WNK2: variants seen among roughly 807,000 people sequenced by gnomAD.
WNK2 encodes WNK lysine deficient protein kinase 2.
A neutral mutation model predicts 192.1 loss-of-function variants in WNK2; 67 were observed. The observed-to-expected ratio is 0.35, with a 90% confidence interval of 0.29 to 0.43. The LOEUF is 0.43. Ranked by LOEUF, WNK2 falls within the 20% of genes least tolerant of loss-of-function variation. The pLI is 1.00. For synonymous variants in WNK2, 1,439 were observed against 1,393.9 expected (o/e 1.03, Z -0.72); for missense variants, 2,698 against 3,089.7 (o/e 0.87, Z 3.01).
Position 93,233,943 on chromosome 9 carries a change from A to G in WNK2, c.1076-865A>G, listed in dbSNP as rs115834802. Among the ~76,000 whole-genome samples, 1,179 of 152,274 alleles carry G rather than the reference A, an allele frequency of 7.7e-3. 18 individuals carry two copies. Among genetic ancestry groups the G allele is most frequent in the African/African-American group, 0.027 (1,112 of 41,526 alleles). ...GACTTATTTTATTAAAAAGGCCTTT[A>G]CAGTTGCTGTATTATGAAAGCTAAA... is the stretch of plus-strand genomic sequence containing the variant. On this transcript the variant is annotated intron_variant, in intron 4 of 29. Coordinates refer to ENST00000427277, the MANE Select transcript of WNK2 (RefSeq NM_006648.4).
intron 4 of WNK2, among the ~76,000 whole-genome samples, chr9:93,233,197 C>CAAAAAA (rs11298656): frequency 1.0e-5 from 1 of 99,042 alleles, no homozygotes; most frequent in Non-Finnish European, 2.1e-5. Context: ...GATCCAGTCT[C>CAAAAAA]AAAAAAAAAA....
Position 93,277,132 on chromosome 9 carries a change from A to G in WNK2, c.4033+8386A>G, listed in dbSNP as rs182199191. On this transcript the variant is annotated intron_variant, in intron 19 of 29. Transcript: ENST00000427277. Reference sequence around the variant, plus strand: ...AATTAAGTACATGAAGAGTTGTTCAATATTATTGACTACTGGGGAAATGCA... The same window carrying G: ...AATTAAGTACATGAAGAGTTGTTCAGTATTATTGACTACTGGGGAAATGCA... Among the ~76,000 whole-genome samples the G allele has an allele frequency of 2.1e-3, 319 of 152,336 alleles. 1 individual carries two copies. Among genetic ancestry groups the G allele is most frequent in the African/African-American group, 7.4e-3 (307 of 41,582 alleles).
Position 93,256,550 on chromosome 9 carries a change from C to G in WNK2, c.2190+96C>G, listed in dbSNP as rs928009612. 1.3e-5 allele frequency: 18 copies of G among 1,357,010 alleles called. No individual in the cohort carries two copies. The Middle Eastern group carries it at 1.1e-3, about 79-fold the overall frequency. The allele number at this position is 1,357,010 out of a possible 1,614,324, so 84.1% of individuals were successfully genotyped here. On this transcript the variant is annotated intron_variant, in intron 10 of 29. Transcript: ENST00000427277. ...GGTCTATGAGCACCTCCCACAGACC[C>G]TTCGCTCAAATTCTCTGTGGTTCCC...
chr9:93,306,640 C>T (rs1852601959), intron 26 of WNK2, 137 bp from the exon 27 acceptor site: 13 of 1,116,270 alleles, frequency 1.2e-5, no homozygotes, highest in South Asian at 2.6e-5. Context: ...CCGGCCGGGT[C>T]GGCCCTCTCT....
intron 19 of WNK2, among the ~76,000 whole-genome samples, chr9:93,281,912 T>C (rs1478420848): frequency 6.6e-6 from 1 of 152,074 alleles, no homozygotes; most frequent in Non-Finnish European, 1.5e-5. Context: ...CTGACTTCCA[T>C]GAAGATGAAA....
At chr9:93,314,891 G>A (rs1260825610) in intron 28 of WNK2, among the ~76,000 whole-genome samples, 2 of 146,468 alleles carry the variant, frequency 1.4e-5, no homozygotes, top group African/African-American at 5.4e-5. Context: ...AGGCTTTCCC[G>A]GGGGGGGTTT....
chr9:93,317,619 G>C lies in WNK2; in HGVS notation c.6616G>C (p.Val2206Leu), dbSNP rs554495666. 1 of 1,612,814 alleles carries C rather than the reference G, an allele frequency of 6.2e-7. No individual in the cohort carries two copies. The highest frequency in any genetic ancestry group is 8.5e-7 in the Non-Finnish European group (1 of 1,179,820). Residue 2206 changes from valine (V) to leucine (L), a missense_variant, in exon 29 of 30, where the codon GTG becomes CTG. Coordinates refer to ENST00000427277, the MANE Select transcript of WNK2 (RefSeq NM_006648.4). ...VIPGAAPTLS[V>L]PTPDPESEKP... ...TCCCGGAGCCGCCCCGACCCTGTCCGTGCCCACACCAGGTACTGCCCTCTC... is the reference window on the plus strand; with the variant it reads ...TCCCGGAGCCGCCCCGACCCTGTCCCTGCCCACACCAGGTACTGCCCTCTC...
Position 93,257,213 on chromosome 9 carries a change from C to A in WNK2, c.2382+74C>A. 1 of 1,484,810 alleles carries A rather than the reference C, an allele frequency of 6.7e-7. No homozygotes were observed. Among genetic ancestry groups the A allele is most frequent in the Non-Finnish European group, 9.1e-7 (1 of 1,103,274 alleles). 92.0% of individuals were successfully genotyped at this position (1,484,810 alleles called of 1,614,324 possible). A position where few individuals can be genotyped will look rare whatever the true frequency, so the allele number is the denominator to read the frequency against. Reference sequence around the variant, plus strand: ...GGCCCTGGCTGGTGCACTAGGACACCCACAGAGGGGGTTGTCTGTGCATGT... The same window carrying A: ...GGCCCTGGCTGGTGCACTAGGACACACACAGAGGGGGTTGTCTGTGCATGT... On this transcript the variant is annotated intron_variant, in intron 11 of 29. Coordinates refer to ENST00000427277, the MANE Select transcript of WNK2 (RefSeq NM_006648.4). The surrounding 1 kb of genome is among the most constrained non-coding windows in gnomAD (Gnocchi z 4.7).
rs748423242 is a variant in WNK2 at position 93,259,537 on chromosome 9, G to A, written c.2989G>A (p.Ala997Thr). Residue 997 changes from alanine (A) to threonine (T), a missense_variant, in exon 12 of 30, where the codon GCA (alanine) becomes ACA (threonine). Physicochemically the swap from Ala to Thr is moderately conservative, Grantham distance 58 (BLOSUM62 0). This residue lies in a region of WNK2 where 893 missense variants were observed against 909.0 expected (regional missense o/e 0.98). Transcript: ENST00000427277. The surrounding 1 kb of genome is among the most constrained non-coding windows in gnomAD (Gnocchi z 4.8). ...PPQPVLPPQP[A>T]LPVRPEPLQP... is the part of the protein sequence containing the mutation. ...ACAACCTGTGCTGCCCCCGCAGCCG[G>A]CACTGCCTGTGCGCCCTGAGCCCCT... is the stretch of plus-strand genomic sequence containing the variant. The A allele has an allele frequency of 1.1e-5, 17 of 1,591,334 alleles. No individual in the cohort carries two copies. The highest frequency in any genetic ancestry group is 1.7e-4 in the Middle Eastern group (1 of 6,036).
intron 19 of WNK2, among the ~76,000 whole-genome samples, chr9:93,286,115 G>A (rs1848410868): frequency 6.6e-6 from 1 of 152,116 alleles, no homozygotes; most frequent in Non-Finnish European, 1.5e-5. Context: ...GAACACATAC[G>A]TTAAAGTTCA....
rs987223596 is a variant in WNK2, at chr9:93,257,674, A to C, written c.2382+535A>C. ...CCTCAGAGGAGCGTTCTTCCTGTGGAGCTCCTCCAGGGCCGTGTGGCATGT... is the reference window on the plus strand; with the variant it reads ...CCTCAGAGGAGCGTTCTTCCTGTGGCGCTCCTCCAGGGCCGTGTGGCATGT... On this transcript the variant is annotated intron_variant, in intron 11 of 29. Transcript: ENST00000427277. The surrounding 1 kb of genome is among the most constrained non-coding windows in gnomAD (Gnocchi z 4.7). Among the ~76,000 whole-genome samples the C allele has an allele frequency of 3.3e-5, 5 of 152,170 alleles. No individual in the cohort carries two copies. Among genetic ancestry groups the C allele is most frequent in the African/African-American group, 1.2e-4 (5 of 41,422 alleles).
intron 19 of WNK2, 100 bp downstream of exon 19, chr9:93,268,846 G>C (rs1845596401): frequency 1.9e-6 from 3 of 1,575,856 alleles, no homozygotes; most frequent in Middle Eastern, 3.3e-4. Flanking sequence ...CCAGGTCCAT[G>C]CAGGGGGCTC....
intron 28 of WNK2, among the ~76,000 whole-genome samples, chr9:93,313,703 G>A (rs1854081004): frequency 6.6e-6 from 1 of 152,106 alleles, no homozygotes; most frequent in South Asian, 2.1e-4. Context: ...GCCTGGTCAA[G>A]GATAGTGACC....
chr9:93,191,854 G>A (rs959711527), intron 2 of WNK2, among the ~76,000 whole-genome samples: 2 of 152,016 alleles, frequency 1.3e-5, no homozygotes, highest in African/African-American at 2.4e-5. Flanking sequence ...GTGAAACCTC[G>A]TCTCTACTAA....
In WNK2 at chr9:93,267,771, C is replaced by T. The variant is rs755933247; in HGVS notation, c.3722C>T (p.Ala1241Val). The change falls in exon 17 of 30, where the codon GCC becomes GTC. Residue 1241 changes from alanine to valine, a missense_variant. By Grantham distance (64) the Ala-to-Val change is moderately conservative. Around this residue, in one of 7 missense-constraint regions of WNK2, gnomAD observed 1,098 missense variants for 1,101.0 expected, o/e 1.00. Coordinates refer to ENST00000427277, the MANE Select transcript of WNK2 (RefSeq NM_006648.4). ...GTGGAGCATGACTTTATCCTGCAGG[C>T]CGAGCGGGAAACGTTCATCGAGCAG... Reference protein sequence around the residue: ...YMVEHDFILQAERETFIEQMK... With the variant: ...YMVEHDFILQVERETFIEQMK... 5 of 1,605,616 alleles carry T rather than the reference C, an allele frequency of 3.1e-6. No individual in the cohort carries two copies. Among genetic ancestry groups the T allele is most frequent in the South Asian group, 2.2e-5 (2 of 89,252 alleles).
chr9:93,318,530 C>T (rs1359926724), intron 29 of WNK2: 2 of 1,614,088 alleles, frequency 1.2e-6, no homozygotes, highest in Admixed American at 1.7e-5. Flanking sequence ...AGCAGACATG[C>T]CCCCCATGCC....
chr9:93,245,076 T>C (rs1288372679), intron 7 of WNK2, among the ~76,000 whole-genome samples: 2 of 151,944 alleles, frequency 1.3e-5, no homozygotes. Flanking sequence ...CCAGGGCTGT[T>C]TCTGTTAGGG....
Position 93,268,677 on chromosome 9 carries a change from C to T in WNK2, c.3964C>T (p.Pro1322Ser). The change falls in exon 19 of 30, where the codon CCC becomes TCC. Residue 1322 changes from proline to serine, a missense_variant. Physicochemically the swap from Pro to Ser is moderately conservative, Grantham distance 74 (BLOSUM62 -1). Around this residue, in one of 7 missense-constraint regions of WNK2, gnomAD observed 1,098 missense variants for 1,101.0 expected, o/e 1.00. Coordinates refer to ENST00000427277, the MANE Select transcript of WNK2 (RefSeq NM_006648.4). Reference protein sequence around the residue: ...WFIICPVAEHPAPEAPESSPP... With the variant: ...WFIICPVAEHSAPEAPESSPP... The stretch of plus-strand genomic sequence containing the variant: ...CATCATCTGTCCGGTGGCTGAGCAC[C>T]CCGCCCCCGAGGCCCCTGAATCTTC... 1 of 1,613,484 alleles carries T rather than the reference C, an allele frequency of 6.2e-7. No homozygotes were observed. Among genetic ancestry groups the T allele is most frequent in the Non-Finnish European group, 8.5e-7 (1 of 1,179,788 alleles).
At chr9:93,296,142 C>T (rs1850331736) in intron 23 of WNK2, among the ~76,000 whole-genome samples, 2 of 71,406 alleles carry the variant, frequency 2.8e-5, no homozygotes, top group Non-Finnish European at 5.6e-5. Context: ...TGTCCCCTCT[C>T]CTTCCTCCCC....
Sources: gnomAD v4.1 joint callset for allele counts (sites outside exome capture counted in the v4.1 genomes callset) on GRCh38, gnomAD v4.1.1 for gene constraint, gnomAD v4.1.1 regional missense constraint, Gnocchi (gnomAD v3.1) non-coding constraint, MANE v1.5 for transcripts, NCBI Gene and HGNC (gene_info 2026-07-23, HGNC 2026-07-21) for gene names.